Variants in PTPRB observed in about 807,000 individuals in gnomAD.
PTPRB encodes receptor-type tyrosine-protein phosphatase beta.
Under a neutral mutation model 238.1 loss-of-function variants are expected in PTPRB, and 97 were observed. The ratio of observed to expected loss-of-function variants is 0.41; its 90% CI spans 0.35 to 0.48. The LOEUF is 0.48. Ranked by LOEUF, PTPRB falls within the 20% of genes least tolerant of loss-of-function variation. PTPRB has a pLI of 0.30. For synonymous variants in PTPRB, 970 were observed against 995.4 expected (o/e 0.97, Z 0.48); for missense variants, 2,292 against 2,681.9 (o/e 0.85, Z 3.21).
At chr12:70,524,300 A>C (rs1194917778) in intron 33 of PTPRB, among the ~76,000 whole-genome samples, 171 bp downstream of exon 33, 2 of 149,094 alleles carry the variant, frequency 1.3e-5, no homozygotes, top group Non-Finnish European at 3.0e-5. Context: ...TTTTTTGTAG[A>C]GATAGGATCT....
intron 14 of PTPRB, among the ~76,000 whole-genome samples, chr12:70,567,551 T>G (rs1879465404): frequency 6.6e-6 from 1 of 152,228 alleles, no homozygotes; most frequent in Non-Finnish European, 1.5e-5. Context: ...TTCTATCTCT[T>G]GAATCTAGCC....
At chr12:70,570,015 T>G in intron 13 of PTPRB, 77 bp from the exon 14 acceptor site, 1 of 1,364,986 alleles carries the variant, frequency 7.3e-7, no homozygotes, top group Non-Finnish European at 1.0e-6. Flanking sequence ...TTTTGAATGC[T>G]TCTGATGTTT....
At chr12:70,566,193 T>C (rs984701239) in intron 15 of PTPRB, among the ~76,000 whole-genome samples, 3 of 152,214 alleles carry the variant, frequency 2.0e-5, no homozygotes, top group Non-Finnish European at 4.4e-5. Context: ...TAGTTTATTA[T>C]AGCAGCAATA....
intron 19 of PTPRB, 142 bp from the exon 20 acceptor site, chr12:70,555,451 A>C: frequency 1.2e-6 from 1 of 805,386 alleles, no homozygotes; most frequent in Admixed American, 3.2e-5. Flanking sequence ...TAATGCTGTA[A>C]TCAAGAAACT....
At chr12:70,538,902 C>T (rs892979829) in intron 27 of PTPRB, 22 bp downstream of exon 27, 1 of 1,588,060 alleles carries the variant, frequency 6.3e-7, no homozygotes, top group South Asian at 1.1e-5. Flanking sequence ...GACAGTATTA[C>T]AAATTTTGAC....
chr12:70,590,778 G>C (rs891540126), intron 7 of PTPRB, among the ~76,000 whole-genome samples: 1 of 151,586 alleles, frequency 6.6e-6, no homozygotes, highest in Non-Finnish European at 1.5e-5. Flanking sequence ...GCTGGCTTCC[G>C]GTTGTATGTT....
At chr12:70,570,139 C>T (rs763373520) in intron 13 of PTPRB, among the ~76,000 whole-genome samples, 3 of 151,980 alleles carry the variant, frequency 2.0e-5, no homozygotes, top group Admixed American at 6.6e-5. Context: ...AAGTCAAAGC[C>T]GGTGAGTGGA....
chr12:70,635,958 G>T lies in PTPRB; in HGVS notation c.164C>A (p.Thr55Asn), dbSNP rs768766024. 1 of 1,613,582 alleles carries T rather than the reference G, an allele frequency of 6.2e-7. No homozygotes were observed. Reference protein sequence around the residue: ...RTIQNQQWMWTEDEKLLHVKS... With the variant: ...RTIQNQQWMWNEDEKLLHVKS... The stretch of plus-strand genomic sequence containing the variant: ...AACATGAAGGAGCTTTTCATCCTCA[G>T]TCCACATCCACTGCTGGTTCTGGAT... Residue 55 changes from threonine (T) to asparagine (N), a missense_variant, in exon 2 of 34, where the codon ACT becomes AAT. By Grantham distance (65) the Thr-to-Asn change is moderately conservative (BLOSUM62 0). Transcript: ENST00000334414.
At chr12:70,589,206 T>C (rs527554806) in intron 8 of PTPRB, among the ~76,000 whole-genome samples, 3 of 152,294 alleles carry the variant, frequency 2.0e-5, no homozygotes, top group South Asian at 2.1e-4. Context: ...GCAAGACACA[T>C]TGGCAAGCTA....
Position 70,530,477 on chromosome 12 carries a change from T to C in PTPRB, c.6504+1558A>G, listed in dbSNP as rs548592544. 7.9e-4 allele frequency among the ~76,000 whole-genome samples: 111 copies of C among 140,832 alleles called. 1 individual carries two copies. Among genetic ancestry groups the C allele is most frequent in the African/African-American group, 2.9e-3 (102 of 34,880 alleles). The allele number at this position is 140,832 out of a possible 152,430, so 92.4% of individuals were successfully genotyped here. ...TATACACATGTACACATATATGCAATATGACATGTATTACACACATACATA... is the reference window on the plus strand; with the variant it reads ...TATACACATGTACACATATATGCAACATGACATGTATTACACACATACATA... On this transcript the variant is annotated intron_variant, in intron 32 of 33. Coordinates refer to ENST00000334414, the MANE Select transcript of PTPRB (RefSeq NM_001109754.4).
intron 2 of PTPRB, among the ~76,000 whole-genome samples, chr12:70,632,214 G>A (rs1343634867): frequency 6.6e-6 from 1 of 151,972 alleles, no homozygotes; most frequent in South Asian, 2.1e-4. Flanking sequence ...TTAAGAAAAT[G>A]TGGCACATAT....
chr12:70,589,256 A>T (rs56144961), intron 8 of PTPRB, among the ~76,000 whole-genome samples: 16,064 of 152,202 alleles, frequency 0.11, 965 homozygotes, highest in Non-Finnish European at 0.13. Context: ...TTGTTCTAAG[A>T]AGAACAGTGA....
intron 4 of PTPRB, among the ~76,000 whole-genome samples, chr12:70,603,037 GT>G (rs139473020): frequency 0.22 from 33,156 of 148,122 alleles, 3,753 homozygotes; most frequent in South Asian, 0.27. Context: ...GTTTTCCTTT[GT>G]TTTTTTTTTG....
intron 20 of PTPRB, 97 bp from the exon 21 acceptor site, chr12:70,553,117 C>CT: frequency 7.3e-7 from 1 of 1,369,702 alleles, no homozygotes; most frequent in East Asian, 2.3e-5. Context: ...TCCACATCCA[C>CT]TATCTCTGGC....
At chr12:70,571,327 C>A in intron 12 of PTPRB, 38 bp from the exon 13 acceptor site, 1 of 1,528,974 alleles carries the variant, frequency 6.5e-7, no homozygotes, top group Non-Finnish European at 9.0e-7. Flanking sequence ...AGGAAAGGAA[C>A]TGATCAGAGT....
In PTPRB at chr12:70,590,565, A is replaced by G. The variant is rs530249905; in HGVS notation, c.1781-332T>C. 4.1e-5 allele frequency among the ~76,000 whole-genome samples: 6 copies of G among 145,416 alleles called. No homozygotes were observed. In the East Asian group the frequency reaches 1.0e-3, roughly 25 times the overall value. Reference sequence around the variant, plus strand: ...CTTTCTTTCTTTTCCAACTAAAAAGATTAATGTTCTTGCAAGATTAAGTTC... The same window carrying G: ...CTTTCTTTCTTTTCCAACTAAAAAGGTTAATGTTCTTGCAAGATTAAGTTC... On this transcript the variant is annotated intron_variant, in intron 7 of 33. Coordinates refer to ENST00000334414, the MANE Select transcript of PTPRB (RefSeq NM_001109754.4).
intron 18 of PTPRB, among the ~76,000 whole-genome samples, chr12:70,556,715 G>A (rs1336527096): frequency 2.6e-5 from 4 of 152,152 alleles, no homozygotes; most frequent in African/African-American, 9.7e-5. Context: ...TAGGCATATC[G>A]TTTTCACACT....
intron 28 of PTPRB, among the ~76,000 whole-genome samples, chr12:70,537,394 T>A (rs1874333691): frequency 6.6e-6 from 1 of 151,624 alleles, no homozygotes; most frequent in African/African-American, 2.4e-5. Flanking sequence ...GGCGCAGACA[T>A]CTTTCAATGT....
chr12:70,519,677 A>G lies in PTPRB; in HGVS notation c.*1812T>C, dbSNP rs1871468634. On this transcript the variant is annotated 3_prime_UTR_variant, in exon 34 of 34. Transcript: ENST00000334414. ...TTCTAATGGATGCCACACGTTGTAG[A>G]TCTCTGACCTCTATTTTCTCGCTGG... The G allele has an allele frequency of 1.3e-5, 2 of 152,026 alleles. No homozygotes were observed. Among genetic ancestry groups the G allele is most frequent in the Non-Finnish European group, 2.9e-5 (2 of 68,012 alleles). The allele number at this position is 152,026 out of a possible 1,614,324, so 9.4% of individuals were successfully genotyped here.
Sources: allele counts gnomAD v4.1 joint callset (sites outside exome capture counted in the v4.1 genomes callset), GRCh38; gene constraint gnomAD v4.1.1; transcripts MANE v1.5; gene names NCBI Gene and HGNC (gene_info 2026-07-23, HGNC 2026-07-21).